The following CEP63 variants were observed in gnomAD, a reference collection of about 807,000 sequenced individuals.
CEP63 encodes centrosomal protein of 63 kDa.
A neutral mutation model predicts 89.1 loss-of-function variants in CEP63; 84 were observed. The observed-to-expected ratio is 0.94, with a 90% CI of 0.79 to 1.13. CEP63 has a LOEUF of 1.13. CEP63 is among the 50% of genes most tolerant of loss of function. The pLI, the probability that CEP63 is intolerant of heterozygous loss-of-function variation, is 0.00. For synonymous variants in CEP63, 267 were observed against 272.5 expected (o/e 0.98, Z 0.20); for missense variants, 838 against 813.3 (o/e 1.03, Z -0.37).
chr3:134,743,200 T>C, the CEP63 span, among the ~76,000 whole-genome samples: 5 of 152,312 alleles, frequency 3.3e-5, no homozygotes, highest in East Asian at 9.7e-4. Flanking sequence ...TTCTACTGTC[T>C]CTCCCTGCTT....
chr3:134,728,251 T>C, the CEP63 span, among the ~76,000 whole-genome samples: 1 of 152,318 alleles, frequency 6.6e-6, no homozygotes, highest in Middle Eastern at 3.4e-3. Context: ...AATCAGCTGC[T>C]GAGAGTGCAT....
chr3:134,649,012 G>T, the CEP63 span, among the ~76,000 whole-genome samples: 3 of 152,126 alleles, frequency 2.0e-5, no homozygotes, highest in Non-Finnish European at 4.4e-5. Context: ...GCTGTTTTTC[G>T]AGGAAAGGGT....
At chr3:134,745,954 A>G in the CEP63 span, among the ~76,000 whole-genome samples, 1 of 150,030 alleles carries the variant, frequency 6.7e-6, no homozygotes, top group Admixed American at 6.7e-5. Context: ...TCTAGGGTAC[A>G]TGTGCACAAC....
Position 134,584,956 on chromosome 3 carries a change from G to GTTTTTTTTTTT in CEP63, c.1207-2494_1207-2484dup, listed in dbSNP as rs780691730. Reference sequence around the variant, plus strand: ...ATCCATTTCTTCTAGATTTTCTAGGGTTTTTTTTTTTTTTTTTTGCATGGA... The same window carrying GTTTTTTTTTTT: ...ATCCATTTCTTCTAGATTTTCTAGGGTTTTTTTTTTTTTTTTTTTTTTTTTTTTTGCATGGA... On this transcript the variant is annotated intron_variant, in intron 10 of 10. Transcript: ENST00000683931. 4.4e-4 allele frequency among the ~76,000 whole-genome samples: 16 copies of GTTTTTTTTTTT among 36,010 alleles called. No individual in the cohort carries two copies. The South Asian group carries it at 0.017, about 37-fold the overall frequency. 23.6% of individuals were successfully genotyped at this position (36,010 alleles called of 152,430 possible).
At chr3:134,716,817 T>C in the CEP63 span, among the ~76,000 whole-genome samples, 2 of 152,170 alleles carry the variant, frequency 1.3e-5, no homozygotes, top group Admixed American at 1.3e-4. Flanking sequence ...TTACACCCTT[T>C]CAGTTGGTTA....
At chr3:134,701,261 T>C in the CEP63 span, among the ~76,000 whole-genome samples, 7 of 104,792 alleles carry the variant, frequency 6.7e-5, no homozygotes, top group African/African-American at 8.0e-5. Context: ...CATATACACA[T>C]ATATACATAT....
chr3:134,722,745 A>G, the CEP63 span, among the ~76,000 whole-genome samples: 3 of 152,062 alleles, frequency 2.0e-5, no homozygotes, highest in Non-Finnish European at 4.4e-5. Context: ...TCCTTTCTTT[A>G]TTTATTCACT....
chr3:134,670,723 T>A, the CEP63 span, among the ~76,000 whole-genome samples: 2 of 152,312 alleles, frequency 1.3e-5, no homozygotes, highest in Admixed American at 1.3e-4. Flanking sequence ...GGTCAGATCA[T>A]GTACATGGTT....
chr3:134,759,528 T>C, the CEP63 span, among the ~76,000 whole-genome samples: 1 of 152,220 alleles, frequency 6.6e-6, no homozygotes, highest in Non-Finnish European at 1.5e-5. Context: ...CTGTAGCACC[T>C]GGATTTTGAA....
the CEP63 span, among the ~76,000 whole-genome samples, chr3:134,726,597 T>C: frequency 2.0e-5 from 3 of 152,080 alleles, no homozygotes; most frequent in African/African-American, 7.2e-5. Flanking sequence ...GCCCAGGAGA[T>C]GCTAGGGGCT....
chr3:134,489,292 T>C (rs1428981431), intron 1 of CEP63, among the ~76,000 whole-genome samples: 2 of 152,032 alleles, frequency 1.3e-5, no homozygotes, highest in African/African-American at 4.8e-5. Context: ...TTGCAGAAAG[T>C]TGTATTGAAC....
intron 1 of CEP63, among the ~76,000 whole-genome samples, chr3:134,488,931 G>A (rs990566647): frequency 1.4e-4 from 21 of 152,100 alleles, no homozygotes; most frequent in Non-Finnish European, 2.9e-4. Context: ...GCTGAGGTGG[G>A]TGGATCACGA....
At chr3:134,500,700 C>G (rs1941715208) in intron 2 of CEP63, among the ~76,000 whole-genome samples, 1 of 151,994 alleles carries the variant, frequency 6.6e-6, no homozygotes, top group Non-Finnish European at 1.5e-5. Context: ...TGATGTTGAA[C>G]ATTTTTCAAG....
At chr3:134,538,566 T>TATATATATATATATATATG (rs1407833955) in intron 6 of CEP63, among the ~76,000 whole-genome samples, 1 of 144,042 alleles carries the variant, frequency 6.9e-6, no homozygotes, top group Non-Finnish European at 1.5e-5. Context: ...TATATATATA[T>TATATATATATATATATATG]TTTTTTAACA....
chr3:134,510,730 C>G, intron 3 of CEP63: 1 of 491,210 alleles, frequency 2.0e-6, no homozygotes, highest in South Asian at 1.9e-5. Context: ...TGCAGGGAGA[C>G]TTCTCCCATG....
At chr3:134,679,188 A>G in the CEP63 span, among the ~76,000 whole-genome samples, 3 of 152,114 alleles carry the variant, frequency 2.0e-5, no homozygotes, top group African/African-American at 7.2e-5. Context: ...GCTGCCATTT[A>G]TTTGCTTTAT....
chr3:134,533,392 T>G (rs1329954780), intron 5 of CEP63, among the ~76,000 whole-genome samples: 1 of 152,236 alleles, frequency 6.6e-6, no homozygotes, highest in Non-Finnish European at 1.5e-5. Context: ...GGGGGCTTAG[T>G]AAATGTGGAA....
the CEP63 span, among the ~76,000 whole-genome samples, chr3:134,702,097 AT>A: frequency 6.6e-6 from 1 of 152,206 alleles, no homozygotes; most frequent in African/African-American, 2.4e-5. Flanking sequence ...CAAATCACGA[AT>A]GAACTTCCAT....
intron 12 of CEP63, among the ~76,000 whole-genome samples, chr3:134,557,372 ATTTG>A (rs369620562): frequency 7.9e-5 from 4 of 50,442 alleles, no homozygotes; most frequent in Admixed American, 2.4e-4. Flanking sequence ...TACTTTCATA[ATTTG>A]TTTTTTTTTT....
Sources: allele counts gnomAD v4.1 joint callset (sites outside exome capture counted in the v4.1 genomes callset), GRCh38; gene constraint gnomAD v4.1.1; transcripts MANE v1.5; gene names NCBI Gene and HGNC (gene_info 2026-07-23, HGNC 2026-07-21).